The following KLHL1 variants were observed in gnomAD, a reference collection of about 807,000 sequenced individuals.
KLHL1 encodes the protein kelch like family member 1.
In KLHL1, 47 loss-of-function variants were observed where a neutral mutation model predicts 77.7. That is an observed-to-expected ratio of 0.60 (90% CI 0.48 to 0.77). The LOEUF (loss-of-function observed/expected upper bound fraction) is 0.77. Among genes scored for constraint, KLHL1 ranks in the 30% least tolerant of loss-of-function variants. The pLI, the probability that KLHL1 is intolerant of heterozygous loss-of-function variation, is 0.00. For missense variants in KLHL1, 925 were observed against 910.8 expected (o/e 1.02, Z -0.20); for synonymous variants, 360 against 325.2 (o/e 1.11, Z -1.15).
At chr13:69,790,224 A>C (rs181487453) in intron 7 of KLHL1, among the ~76,000 whole-genome samples, 1 of 151,920 alleles carries the variant, frequency 6.6e-6, no homozygotes, top group East Asian at 1.9e-4. Context: ...ATATCTACTA[A>C]TAATAAGAAC....
At chr13:70,097,784 C>T (rs1440557019) in intron 1 of KLHL1, among the ~76,000 whole-genome samples, 1 of 151,562 alleles carries the variant, frequency 6.6e-6, no homozygotes, top group Non-Finnish European at 1.5e-5. Flanking sequence ...TGTAAAAACT[C>T]GGAAGAGTTC....
intron 1 of KLHL1, among the ~76,000 whole-genome samples, chr13:70,006,257 T>A (rs1885402241): frequency 6.6e-6 from 1 of 152,048 alleles, no homozygotes; most frequent in East Asian, 1.9e-4. Flanking sequence ...CTTTATCTAT[T>A]TGCTTATAGA....
chr13:70,088,545 T>C (rs1474916910), intron 1 of KLHL1, among the ~76,000 whole-genome samples: 1 of 152,082 alleles, frequency 6.6e-6, no homozygotes, highest in East Asian at 1.9e-4. Context: ...TAGCTGGGCA[T>C]GTTGGTGTAT....
chr13:69,856,704 T>A (rs991467007), intron 5 of KLHL1, among the ~76,000 whole-genome samples: 1 of 152,112 alleles, frequency 6.6e-6, no homozygotes. Context: ...TAGTGCATAT[T>A]TCCCTAAACT....
intron 9 of KLHL1, among the ~76,000 whole-genome samples, chr13:69,712,779 G>A (rs1379122485): frequency 6.8e-6 from 1 of 146,286 alleles, no homozygotes; most frequent in Non-Finnish European, 1.5e-5. Context: ...TTTTGGGGGG[G>A]GGGTTTTGTT....
At chr13:69,977,484 T>C (rs1356710053) in intron 1 of KLHL1, among the ~76,000 whole-genome samples, 2 of 152,058 alleles carry the variant, frequency 1.3e-5, no homozygotes, top group South Asian at 2.1e-4. Flanking sequence ...GATAAAAATA[T>C]AGAAAACAAA....
At chr13:70,106,404 C>G (rs914222092) in intron 1 of KLHL1, among the ~76,000 whole-genome samples, 1 of 152,024 alleles carries the variant, frequency 6.6e-6, no homozygotes. Context: ...AAATGTAAAA[C>G]TTGGGAGTTT....
intron 4 of KLHL1, among the ~76,000 whole-genome samples, chr13:69,898,735 T>A (rs1881739748): frequency 6.6e-6 from 1 of 152,214 alleles, no homozygotes; most frequent in South Asian, 2.1e-4. Context: ...ATCCAACTAA[T>A]AATACCTAGT....
chr13:70,010,288 TGAA>T (rs1342194525), intron 1 of KLHL1, among the ~76,000 whole-genome samples: 3 of 152,002 alleles, frequency 2.0e-5, no homozygotes, highest in East Asian at 3.9e-4. Flanking sequence ...AAAGGTGGAA[TGAA>T]GAAGATCAAT....
At chr13:69,779,950 C>T (rs1566242314) in intron 7 of KLHL1, among the ~76,000 whole-genome samples, 2 of 151,956 alleles carry the variant, frequency 1.3e-5, no homozygotes, top group Non-Finnish European at 2.9e-5. Context: ...ATTACTGGCA[C>T]CCACCACCAC....
intron 1 of KLHL1, among the ~76,000 whole-genome samples, chr13:70,001,620 TATC>T (rs1321125181): frequency 1.3e-5 from 2 of 151,186 alleles, no homozygotes; most frequent in African/African-American, 4.8e-5. Flanking sequence ...TCTATCTACC[TATC>T]ATCTTTCTAC....
intron 7 of KLHL1, among the ~76,000 whole-genome samples, chr13:69,785,022 T>G (rs1876445050): frequency 6.7e-6 from 1 of 149,512 alleles, no homozygotes; most frequent in African/African-American, 2.5e-5. Flanking sequence ...CCCAAGTAGC[T>G]GGGACTACAG....
At chr13:69,990,199 T>A (rs891986379) in intron 1 of KLHL1, among the ~76,000 whole-genome samples, 2 of 151,842 alleles carry the variant, frequency 1.3e-5, no homozygotes, top group Admixed American at 1.3e-4. Context: ...GAAAGACCAT[T>A]ACCAGCCACT....
chr13:69,706,352 G>A (rs1223920941), intron 10 of KLHL1, among the ~76,000 whole-genome samples: 2 of 151,846 alleles, frequency 1.3e-5, no homozygotes, highest in African/African-American at 2.4e-5. Flanking sequence ...TCATAATGCA[G>A]ATACCTTAGT....
chr13:69,748,169 G>C (rs143647021), intron 7 of KLHL1, among the ~76,000 whole-genome samples: 4 of 151,946 alleles, frequency 2.6e-5, no homozygotes, highest in African/African-American at 9.7e-5. Context: ...GACTATCAGA[G>C]GTGGCGACAG....
chr13:69,908,398 T>A (rs73510103), intron 4 of KLHL1, among the ~76,000 whole-genome samples: 4 of 151,486 alleles, frequency 2.6e-5, no homozygotes, highest in African/African-American at 7.3e-5. Flanking sequence ...GAGAGAAGAT[T>A]TGACAAAAAA....
rs1238656194 is a variant in KLHL1, at chr13:69,878,709, TATAGAGAG to T, written c.1227+3566_1227+3573del. 5.7e-3 allele frequency among the ~76,000 whole-genome samples: 847 copies of T among 149,748 alleles called. 5 individuals are homozygous for T. Among genetic ancestry groups the T allele is most frequent in the African/African-American group, 0.02 (813 of 40,156 alleles). On this transcript the variant is annotated intron_variant, in intron 5 of 10. Transcript: ENST00000377844. ...ATATGTGTGTATGCATATATATATATATAGAGAGAGAGAGAGAGAGAGAGAGTGAGAGA... is the reference window on the plus strand; with the variant it reads ...ATATGTGTGTATGCATATATATATATAGAGAGAGAGAGAGAGAGTGAGAGA...
chr13:69,818,383 G>C (rs538052928), intron 6 of KLHL1, among the ~76,000 whole-genome samples: 1 of 151,842 alleles, frequency 6.6e-6, no homozygotes, highest in Non-Finnish European at 1.5e-5. Flanking sequence ...ACCACACCCA[G>C]CTAATTTTTC....
intron 6 of KLHL1, among the ~76,000 whole-genome samples, chr13:69,827,376 T>A (rs555103005): frequency 3.2e-3 from 481 of 152,036 alleles, no homozygotes; most frequent in Non-Finnish European, 4.8e-3. Flanking sequence ...AAATTCTAAA[T>A]AAAAATAATA....
Sources: gnomAD v4.1 joint callset for allele counts (sites outside exome capture counted in the v4.1 genomes callset) on GRCh38, gnomAD v4.1.1 for gene constraint, MANE v1.5 for transcripts, NCBI Gene and HGNC (gene_info 2026-07-23, HGNC 2026-07-21) for gene names.